Variants in PTPRS observed in about 807,000 individuals in gnomAD.
PTPRS encodes the protein protein tyrosine phosphatase receptor type S, also known as receptor-type tyrosine-protein phosphatase S.
Under a neutral mutation model 215.3 loss-of-function variants are expected in PTPRS, and 63 were observed. The observed-to-expected ratio is 0.29, with a 90% CI of 0.24 to 0.36. PTPRS has a LOEUF of 0.36. Ranked by LOEUF, PTPRS falls within the 10% of genes least tolerant of loss-of-function variation. The pLI, the probability that PTPRS is intolerant of heterozygous loss-of-function variation, is 1.00. For missense variants in PTPRS, 2,258 were observed against 2,825.8 expected (o/e 0.80, Z 4.56); for synonymous variants, 1,404 against 1,191.4 (o/e 1.18, Z -3.68).
At chr19:5,272,595 CAAAAAAAA>C (rs10527451) in intron 4 of PTPRS, among the ~76,000 whole-genome samples, 7 of 73,442 alleles carry the variant, frequency 9.5e-5, no homozygotes, top group African/African-American at 1.4e-4. Flanking sequence ...AAGACTGTCT[CAAAAAAAA>C]AAAAAAAAAA....
At position 5,219,308 on chromosome 19, in the gene PTPRS, A is replaced by G; in HGVS notation, c.3923+2T>C. 1.2e-6 allele frequency: 2 copies of G among 1,614,014 alleles called. No homozygotes were observed. The highest frequency in any genetic ancestry group is 1.7e-6 in the Non-Finnish European group (2 of 1,179,982). On this transcript the variant is annotated splice_donor_variant, in intron 23 of 37. Transcript: ENST00000262963. LOFTEE classifies it high-confidence loss of function. ...TCAAGTCGGGGAGGACATGGGGCTT[A>G]CTTCTTGTAGAGCAGGATAGCAATG...
chr19:5,301,527 G>A (rs1043674146), intron 1 of PTPRS, among the ~76,000 whole-genome samples: 7 of 151,938 alleles, frequency 4.6e-5, no homozygotes, highest in Admixed American at 4.6e-4. Context: ...TATTGGTCAG[G>A]CTGGTCTTGA....
At chr19:5,312,909 T>C (rs185341615) in intron 1 of PTPRS, among the ~76,000 whole-genome samples, 77 of 152,264 alleles carry the variant, frequency 5.1e-4, no homozygotes, top group East Asian at 4.6e-3. Flanking sequence ...CCCCAAAACC[T>C]GGCCTAGGAT....
At chr19:5,261,933 C>G in intron 6 of PTPRS, among the ~76,000 whole-genome samples, 1 of 152,318 alleles carries the variant, frequency 6.6e-6, no homozygotes, top group African/African-American at 2.4e-5. Flanking sequence ...CCAGGCTGGC[C>G]TTTGCTAGGA....
chr19:5,246,373 C>T (rs1217878852), intron 9 of PTPRS, among the ~76,000 whole-genome samples: 2 of 152,138 alleles, frequency 1.3e-5, no homozygotes, highest in Admixed American at 1.3e-4. Flanking sequence ...ATATAATAGA[C>T]ATGAAGCATT....
chr19:5,266,711 G>A (rs1292276993), intron 4 of PTPRS, among the ~76,000 whole-genome samples: 1 of 152,080 alleles, frequency 6.6e-6, no homozygotes, highest in Non-Finnish European at 1.5e-5. Flanking sequence ...ACACCCTTCT[G>A]TGGTCCGGCC....
At chr19:5,258,672 C>T (rs990316696) in intron 7 of PTPRS, among the ~76,000 whole-genome samples, 5 of 152,282 alleles carry the variant, frequency 3.3e-5, no homozygotes, top group South Asian at 2.1e-4. Flanking sequence ...AAGTCCTCAA[C>T]GCCCCTAAGT....
chr19:5,273,054 T>A, intron 4 of PTPRS: 1 of 269,846 alleles, frequency 3.7e-6, no homozygotes, highest in Non-Finnish European at 7.3e-6. Flanking sequence ...AGACAGAGAG[T>A]GAGCTCTGAG....
At chr19:5,213,764 G>A (rs973279826) in intron 30 of PTPRS, among the ~76,000 whole-genome samples, 1 of 152,210 alleles carries the variant, frequency 6.6e-6, no homozygotes, top group Admixed American at 6.5e-5. Flanking sequence ...TGACCTGGCT[G>A]GGTGTTGGGG....
rs2049053559 is a variant in PTPRS at position 5,294,199 on chromosome 19, C to T, written c.-94-7965G>A. ...GCCAACGCCAACGGGATGTCCTGGG[C>T]GCTCAGCTGCCATCAGCTGTGCTTC... On this transcript the variant is annotated intron_variant, in intron 1 of 37. Transcript: ENST00000262963. The surrounding 1 kb of genome is among the most constrained non-coding windows in gnomAD (Gnocchi z 5.1). 1 of 152,322 alleles carries T rather than the reference C, an allele frequency of 6.6e-6. No individual in the cohort carries two copies. Among genetic ancestry groups the T allele is most frequent in the African/African-American group, 2.4e-5 (1 of 41,466 alleles). The allele number at this position is 152,322 out of a possible 1,614,324, so 9.4% of individuals were successfully genotyped here. A position where few individuals can be genotyped will look rare whatever the true frequency, so the allele number is the denominator to read the frequency against.
At position 5,245,830 on chromosome 19, in the gene PTPRS, C is replaced by T. The variant is rs532977374; in HGVS notation, c.934G>A (p.Val312Met). Residue 312 changes from valine to methionine, a missense_variant, in exon 10 of 38, where the codon GTG becomes ATG. Around this residue, in one of 6 missense-constraint regions of PTPRS, gnomAD observed 508 missense variants for 799.4 expected, o/e 0.64. Transcript: ENST00000262963. ...ATGACGCCCAGGCTGGACATGGCCA[C>T]GCAGGTGTAGTTGGCCGAGTCCTTG... ...DVKDSANYTC[V>M]AMSSLGVIEA... 3.7e-6 allele frequency: 6 copies of T among 1,613,494 alleles called. No individual in the cohort carries two copies. Among genetic ancestry groups the T allele is most frequent in the South Asian group, 1.1e-5 (1 of 90,920 alleles).
At position 5,219,989 on chromosome 19, in the gene PTPRS, C is replaced by T. The variant is rs369971329; in HGVS notation, c.3715G>A (p.Gly1239Ser). The T allele has an allele frequency of 1.2e-5, 20 of 1,613,666 alleles. No homozygotes were observed. The highest frequency in any genetic ancestry group is 3.3e-5 in the South Asian group (3 of 91,086). ...GGFDNRGLEP[G>S]HRYVLFVLAV... Reference sequence around the variant, plus strand: ...AGCACGAAGAGGACATAGCGGTGGCCGGGCTCCAGGCCCCGGTTATCGAAG... The same window carrying T: ...AGCACGAAGAGGACATAGCGGTGGCTGGGCTCCAGGCCCCGGTTATCGAAG... The change falls in exon 22 of 38, where the codon GGC becomes AGC. Residue 1239 changes from glycine to serine, a missense_variant. By Grantham distance (56) the Gly-to-Ser change is moderately conservative (BLOSUM62 0). Coordinates refer to ENST00000262963, the MANE Select transcript of PTPRS (RefSeq NM_002850.4).
At chr19:5,220,413 C>A in intron 20 of PTPRS, 60 bp from the exon 21 acceptor site, 1 of 1,401,988 alleles carries the variant, frequency 7.1e-7, no homozygotes, top group Non-Finnish European at 1.0e-6. Context: ...AGGGATGCTT[C>A]ATGGGGGCAA....
At chr19:5,219,866 A>C in intron 22 of PTPRS, 73 bp downstream of exon 22, 1 of 1,504,774 alleles carries the variant, frequency 6.6e-7, no homozygotes, top group Non-Finnish European at 9.1e-7. Flanking sequence ...CACAGAGGTC[A>C]GGGCCCTGGG....
chr19:5,289,839 G>A (rs1309084757), intron 1 of PTPRS, among the ~76,000 whole-genome samples: 3 of 152,196 alleles, frequency 2.0e-5, no homozygotes, highest in Admixed American at 6.5e-5. Flanking sequence ...ACAGAGAGGT[G>A]CACATAGACT....
At chr19:5,239,204 A>G (rs1599611596) in intron 12 of PTPRS, 141 bp from the exon 13 acceptor site, 7 of 583,292 alleles carry the variant, frequency 1.2e-5, no homozygotes, top group African/African-American at 2.0e-5. Flanking sequence ...AAATAGAGAC[A>G]GGGGTGCGGC....
At chr19:5,324,792 G>C (rs1158302312) in intron 1 of PTPRS, among the ~76,000 whole-genome samples, 1 of 152,204 alleles carries the variant, frequency 6.6e-6, no homozygotes, top group Non-Finnish European at 1.5e-5. Context: ...CACTCAGCTA[G>C]AGGTGGGATC....
At chr19:5,217,736 C>G (rs1367938692) in intron 25 of PTPRS, among the ~76,000 whole-genome samples, 1 of 152,270 alleles carries the variant, frequency 6.6e-6, no homozygotes, top group South Asian at 2.1e-4. Flanking sequence ...GGCTGTGAAC[C>G]CATAAGGAGA....
intron 7 of PTPRS, among the ~76,000 whole-genome samples, chr19:5,260,341 G>A (rs565432444): frequency 8.6e-5 from 13 of 152,046 alleles, no homozygotes; most frequent in African/African-American, 2.7e-4. Context: ...CACCATGCCC[G>A]GCTAATTTTT....
Sources: allele counts gnomAD v4.1 joint callset (sites outside exome capture counted in the v4.1 genomes callset), GRCh38; gene constraint gnomAD v4.1.1; regional missense constraint gnomAD v4.1.1; non-coding constraint Gnocchi (gnomAD v3.1); transcripts MANE v1.5; gene names NCBI Gene and HGNC (gene_info 2026-07-23, HGNC 2026-07-21).